Variants in ITPR2 observed in about 807,000 individuals in gnomAD.
The protein encoded by ITPR2 is inositol 1,4,5-trisphosphate-gated calcium channel ITPR2.
Under a neutral mutation model 317.1 loss-of-function variants are expected in ITPR2, and 207 were observed. The ratio of observed to expected loss-of-function variants is 0.65; its 90% CI spans 0.58 to 0.73. ITPR2 has a LOEUF of 0.73. Among genes scored for constraint, ITPR2 ranks in the 30% least tolerant of loss-of-function variants. The pLI is 0.00. For synonymous variants in ITPR2, 1,156 were observed against 1,149.1 expected (o/e 1.01, Z -0.12); for missense variants, 2,613 against 3,284.0 (o/e 0.80, Z 4.99).
chr12:26,814,529 C>A (rs1315781361), intron 1 of ITPR2, among the ~76,000 whole-genome samples: 1 of 152,182 alleles, frequency 6.6e-6, no homozygotes, highest in African/African-American at 2.4e-5. Flanking sequence ...TTCTCCACCA[C>A]CAGGTACTCC....
intron 45 of ITPR2, among the ~76,000 whole-genome samples, chr12:26,463,697 AC>A (rs770627567): frequency 1.6e-4 from 13 of 82,110 alleles, no homozygotes; most frequent in African/African-American, 3.6e-4. Flanking sequence ...AAACAAACAA[AC>A]AAAAAAAAAA....
At chr12:26,439,942 A>T (rs1406635416) in intron 46 of ITPR2, among the ~76,000 whole-genome samples, 1 of 151,822 alleles carries the variant, frequency 6.6e-6, no homozygotes, top group African/African-American at 2.4e-5. Flanking sequence ...AGACTAAAAA[A>T]AGGCTGAATA....
chr12:26,715,871 C>T (rs370894380), intron 6 of ITPR2, 36 bp from the exon 7 acceptor site: 3 of 1,360,344 alleles, frequency 2.2e-6, no homozygotes, highest in African/African-American at 2.9e-5. Context: ...TATAAGACTA[C>T]AGATTCCATT....
intron 13 of ITPR2, among the ~76,000 whole-genome samples, chr12:26,672,458 C>T (rs1030362584): frequency 6.6e-6 from 1 of 152,004 alleles, no homozygotes; most frequent in African/African-American, 2.4e-5. Context: ...CTACTGGGTA[C>T]ATAACGAAAT....
intron 2 of ITPR2, among the ~76,000 whole-genome samples, chr12:26,784,810 G>A (rs1470085250): frequency 8.3e-5 from 10 of 120,758 alleles, no homozygotes; most frequent in Non-Finnish European, 1.7e-4. Context: ...CCCATCGTCT[G>A]GGATACGGGG....
chr12:26,803,810 C>T (rs1462910090), intron 1 of ITPR2, among the ~76,000 whole-genome samples: 1 of 152,044 alleles, frequency 6.6e-6, no homozygotes, highest in Non-Finnish European at 1.5e-5. Flanking sequence ...AAAAGAGAAA[C>T]ATTCCTAGGA....
intron 2 of ITPR2, among the ~76,000 whole-genome samples, chr12:26,767,990 C>T (rs991238648): frequency 5.9e-5 from 9 of 152,110 alleles, no homozygotes; most frequent in African/African-American, 1.4e-4. Context: ...TATTTCATGC[C>T]GCCTCCTTGG....
chr12:26,733,546 C>G (rs1332383791), intron 2 of ITPR2, among the ~76,000 whole-genome samples: 1 of 152,094 alleles, frequency 6.6e-6, no homozygotes, highest in Admixed American at 6.5e-5. Flanking sequence ...TAATTAAATG[C>G]TAAAACATAA....
rs77529450 is a variant in ITPR2, at chr12:26,467,032, A to G, written c.6342+8264T>C. On this transcript the variant is annotated intron_variant, in intron 45 of 56. Transcript: ENST00000381340. ...TAAAGTAAATGAAGCAATGCTGATTACTACATATTAGCATAAGAAAATGGA... is the reference window on the plus strand; with the variant it reads ...TAAAGTAAATGAAGCAATGCTGATTGCTACATATTAGCATAAGAAAATGGA... Among the ~76,000 whole-genome samples, 105 of 152,342 alleles carry G rather than the reference A, an allele frequency of 6.9e-4. 2 individuals carry two copies. In the East Asian group the frequency reaches 0.019, roughly 28 times the overall value.
intron 2 of ITPR2, among the ~76,000 whole-genome samples, chr12:26,726,995 T>C (rs1948939407): frequency 6.6e-6 from 1 of 152,124 alleles, no homozygotes; most frequent in Non-Finnish European, 1.5e-5. Flanking sequence ...GGTACTGATA[T>C]GGATAAGTAA....
chr12:26,639,397 T>C (rs1359842675), intron 21 of ITPR2, among the ~76,000 whole-genome samples: 2 of 152,170 alleles, frequency 1.3e-5, no homozygotes, highest in African/African-American at 4.8e-5. Flanking sequence ...CCATTTGTAA[T>C]GGGTGTTGCA....
At position 26,335,443 on chromosome 12, in the gene ITPR2, C is replaced by T. The variant is rs117402201; in HGVS notation, c.*3954G>A. Among the ~76,000 whole-genome samples the T allele has an allele frequency of 1.8e-3, 280 of 152,222 alleles. No homozygotes were observed. Among genetic ancestry groups the T allele is most frequent in the Admixed American group, 2.8e-3 (43 of 15,288 alleles). On this transcript the variant is annotated 3_prime_UTR_variant, in exon 57 of 57. Coordinates refer to ENST00000381340, the MANE Select transcript of ITPR2 (RefSeq NM_002223.4). ...TGTTTTTTAGGCAAATATAACAATC[C>T]TCTACTGCAGGAGAGAAAGTCTTCT...
chr12:26,430,985 C>T (rs116456915), intron 48 of ITPR2, among the ~76,000 whole-genome samples: 6,173 of 152,218 alleles, frequency 0.041, 367 homozygotes, highest in African/African-American at 0.14. Context: ...GTGGTCTTTA[C>T]TATTGTGCCT....
At chr12:26,697,143 T>C (rs923184302) in intron 9 of ITPR2, among the ~76,000 whole-genome samples, 1 of 152,198 alleles carries the variant, frequency 6.6e-6, no homozygotes, top group African/African-American at 2.4e-5. Context: ...TGCTCAAATC[T>C]GGGAACTGCG....
chr12:26,367,539 G>A (rs1433723089), intron 55 of ITPR2, among the ~76,000 whole-genome samples: 1 of 152,098 alleles, frequency 6.6e-6, no homozygotes, highest in Non-Finnish European at 1.5e-5. Context: ...CACAAAGCAG[G>A]TTAGCAATCA....
At position 26,369,219 on chromosome 12, in the gene ITPR2, T is replaced by C. The variant is rs577292711; in HGVS notation, c.7857+18215A>G. On this transcript the variant is annotated intron_variant, in intron 55 of 56. Transcript: ENST00000381340. ...GACAAGAAGGTTCGGGTTTATTCTA[T>C]GTAGAGTAGAAAGCCAGTGGAAGGT... Among the ~76,000 whole-genome samples the C allele has an allele frequency of 5.9e-5, 9 of 152,290 alleles. No individual in the cohort carries two copies. The East Asian group carries it at 1.7e-3, about 29-fold the overall frequency.
intron 36 of ITPR2, among the ~76,000 whole-genome samples, chr12:26,556,013 A>G (rs1944653461): frequency 6.6e-6 from 1 of 152,206 alleles, no homozygotes; most frequent in South Asian, 2.1e-4. Flanking sequence ...GACACACTTT[A>G]TTTTCAGTAA....
intron 55 of ITPR2, among the ~76,000 whole-genome samples, chr12:26,360,979 C>T (rs957287615): frequency 1.3e-4 from 20 of 151,970 alleles, no homozygotes; most frequent in Admixed American, 5.9e-4. Flanking sequence ...TTTGGGACGC[C>T]GAGGGCAGTG....
chr12:26,713,608 T>C (rs1948688254), intron 8 of ITPR2, among the ~76,000 whole-genome samples: 3 of 152,230 alleles, frequency 2.0e-5, no homozygotes, highest in Admixed American at 2.0e-4. Context: ...GTAGTACAGT[T>C]ACAGCAAAAG....
Sources: gnomAD v4.1 joint callset for allele counts (sites outside exome capture counted in the v4.1 genomes callset) on GRCh38, gnomAD v4.1.1 for gene constraint, MANE v1.5 for transcripts, NCBI Gene and HGNC (gene_info 2026-07-23, HGNC 2026-07-21) for gene names.